Variants in LIN52 observed in about 807,000 individuals in gnomAD.
The protein encoded by LIN52 is lin-52 DREAM MuvB core complex component, also known as protein lin-52 homolog.
Under a neutral mutation model 18.5 loss-of-function variants are expected in LIN52, and 4 were observed. That is an observed-to-expected ratio of 0.22 (90% CI 0.11 to 0.49). LIN52 has a LOEUF of 0.49. Among genes scored for constraint, LIN52 ranks in the 20% least tolerant of loss-of-function variants. The pLI is 0.97. For missense variants in LIN52, 102 were observed against 139.5 expected, an observed-to-expected ratio of 0.73 and a Z score of 1.35; for synonymous variants, 34 against 45.5, an observed-to-expected ratio of 0.75 and a Z score of 1.02.
intron 5 of LIN52, among the ~76,000 whole-genome samples, chr14:74,193,048 T>C (rs1252286961): frequency 1.3e-5 from 2 of 152,182 alleles, no homozygotes; most frequent in Non-Finnish European, 2.9e-5. Context: ...GCCAATGATA[T>C]GTTTTGATCA....
At chr14:74,120,780 G>C (rs1174321601) in intron 5 of LIN52, among the ~76,000 whole-genome samples, 2 of 151,826 alleles carry the variant, frequency 1.3e-5, no homozygotes, top group Non-Finnish European at 2.9e-5. Flanking sequence ...AAATTAGCTG[G>C]GCTTGGTGGC....
At position 74,146,108 on chromosome 14, in the gene LIN52, CT is replaced by C. The variant is rs1263755943; in HGVS notation, c.283+44873del. 7.0e-4 allele frequency among the ~76,000 whole-genome samples: 107 copies of C among 152,232 alleles called. 1 individual carries two copies. Among genetic ancestry groups the C allele is most frequent in the Non-Finnish European group, 1.3e-4 (9 of 68,008 alleles). On this transcript the variant is annotated intron_variant, in intron 5 of 5. Coordinates refer to ENST00000555028, the MANE Select transcript of LIN52 (RefSeq NM_001024674.3). ...TAATAGATAGGTGCTTACTTTTCCC[CT>C]TTCATTATTTTTTCCCAAATCACAT...
intron 5 of LIN52, among the ~76,000 whole-genome samples, chr14:74,154,623 G>A (rs1250788501): frequency 6.6e-6 from 1 of 152,126 alleles, no homozygotes; most frequent in Non-Finnish European, 1.5e-5. Flanking sequence ...GGGTTTTAAT[G>A]TTACTCCTAA....
At chr14:74,116,604 G>A (rs1595160392) in intron 5 of LIN52, among the ~76,000 whole-genome samples, 1 of 151,858 alleles carries the variant, frequency 6.6e-6, no homozygotes, top group East Asian at 1.9e-4. Flanking sequence ...TACTCTGGAG[G>A]CTGAAGCAGG....
chr14:74,104,564 C>T (rs1442673669), intron 5 of LIN52, among the ~76,000 whole-genome samples: 2 of 148,962 alleles, frequency 1.3e-5, no homozygotes, highest in African/African-American at 4.9e-5. Flanking sequence ...ATTGTTAGAT[C>T]TAGAAGCTTG....
At chr14:74,129,977 C>T (rs902885547) in intron 5 of LIN52, among the ~76,000 whole-genome samples, 1 of 152,104 alleles carries the variant, frequency 6.6e-6, no homozygotes, top group Admixed American at 6.5e-5. Flanking sequence ...GAAAACATCA[C>T]GTCTTACATG....
At chr14:74,165,407 A>G (rs1220080956) in intron 5 of LIN52, among the ~76,000 whole-genome samples, 1 of 152,026 alleles carries the variant, frequency 6.6e-6, no homozygotes, top group Non-Finnish European at 1.5e-5. Flanking sequence ...ATACAGGCAT[A>G]TTATTTAGTC....
intron 5 of LIN52, among the ~76,000 whole-genome samples, chr14:74,120,736 C>G (rs1426900339): frequency 1.4e-5 from 2 of 144,098 alleles, no homozygotes; most frequent in Non-Finnish European, 3.0e-5. Flanking sequence ...GCCTGGGCAA[C>G]AGAGTGAGAC....
chr14:74,161,412 C>T (rs562537147), intron 5 of LIN52, among the ~76,000 whole-genome samples: 2 of 152,322 alleles, frequency 1.3e-5, no homozygotes, highest in South Asian at 4.2e-4. Flanking sequence ...TCTCAAACTC[C>T]TGACCTCAGG....
chr14:74,158,263 G>T (rs937709893), intron 5 of LIN52, among the ~76,000 whole-genome samples: 1 of 151,100 alleles, frequency 6.6e-6, no homozygotes, highest in Non-Finnish European at 1.5e-5. Flanking sequence ...ACAGGTGCGC[G>T]TCACATGCCC....
intron 5 of LIN52, among the ~76,000 whole-genome samples, chr14:74,167,036 C>A (rs911633793): frequency 1.3e-5 from 2 of 150,598 alleles, no homozygotes; most frequent in African/African-American, 2.4e-5. Context: ...TAGTGCAAAT[C>A]TCATCAAGGC....
chr14:74,164,816 C>T lies in LIN52; in HGVS notation c.284-34106C>T, dbSNP rs184960556. Among the ~76,000 whole-genome samples the T allele has an allele frequency of 1.3e-3, 193 of 152,226 alleles. 1 individual carries two copies. Among genetic ancestry groups the T allele is most frequent in the African/African-American group, 4.4e-3 (183 of 41,522 alleles). On this transcript the variant is annotated intron_variant, in intron 5 of 5. Coordinates refer to ENST00000555028, the MANE Select transcript of LIN52 (RefSeq NM_001024674.3). The stretch of plus-strand genomic sequence containing the variant: ...CCTAGCTCCTACTTGAGTTTTCAAG[C>T]AGCTTTTTAGTCTCCTATTCTTACA...
intron 5 of LIN52, among the ~76,000 whole-genome samples, chr14:74,137,172 A>AT (rs1018776148): frequency 2.4e-3 from 285 of 118,010 alleles, no homozygotes; most frequent in East Asian, 9.8e-3. Flanking sequence ...ATATATATAT[A>AT]TTTTTTTAAT....
chr14:74,098,662 C>G (rs1282718277), intron 4 of LIN52, among the ~76,000 whole-genome samples: 1 of 151,850 alleles, frequency 6.6e-6, no homozygotes, highest in Non-Finnish European at 1.5e-5. Context: ...ATTCTCCTGC[C>G]TCAGCCTCCC....
rs148517016 is a variant in LIN52, at chr14:74,088,474, C to T, written c.20-2758C>T. Among the ~76,000 whole-genome samples the T allele has an allele frequency of 6.5e-3, 983 of 152,284 alleles. 11 individuals carry two copies. Among genetic ancestry groups the T allele is most frequent in the African/African-American group, 0.023 (937 of 41,568 alleles). On this transcript the variant is annotated intron_variant, in intron 1 of 5. Coordinates refer to ENST00000555028, the MANE Select transcript of LIN52 (RefSeq NM_001024674.3). Reference sequence around the variant, plus strand: ...CTGGGCTCAAGCAATCTTCCTGCCTCGGCTTCCCAAAGCACTGGGATTCCA... The same window carrying T: ...CTGGGCTCAAGCAATCTTCCTGCCTTGGCTTCCCAAAGCACTGGGATTCCA...
intron 5 of LIN52, among the ~76,000 whole-genome samples, chr14:74,166,279 C>T (rs960635001): frequency 4.0e-5 from 6 of 148,256 alleles, no homozygotes; most frequent in Admixed American, 6.7e-5. Context: ...TGCAATGGCG[C>T]GATCTCAGCT....
At chr14:74,186,413 A>G (rs1298220434) in intron 5 of LIN52, among the ~76,000 whole-genome samples, 1 of 152,212 alleles carries the variant, frequency 6.6e-6, no homozygotes, top group Admixed American at 6.5e-5. Flanking sequence ...GTATTGTTCT[A>G]ATTGCTGGGG....
chr14:74,147,281 AAAAAT>A (rs895261781), intron 5 of LIN52, among the ~76,000 whole-genome samples: 4 of 152,142 alleles, frequency 2.6e-5, no homozygotes, highest in Admixed American at 6.6e-5. Context: ...TATCCACATA[AAAAAT>A]AAAATAAAAT....
chr14:74,111,833 C>G (rs2060930862), intron 5 of LIN52, among the ~76,000 whole-genome samples: 1 of 151,786 alleles, frequency 6.6e-6, no homozygotes, highest in Admixed American at 6.6e-5. Flanking sequence ...ATCTCTTGAA[C>G]TGGATTTTTG....
Sources: gnomAD v4.1 joint callset for allele counts (sites outside exome capture counted in the v4.1 genomes callset) on GRCh38, gnomAD v4.1.1 for gene constraint, MANE v1.5 for transcripts, NCBI Gene and HGNC (gene_info 2026-07-23, HGNC 2026-07-21) for gene names.